Variants in MSN observed in about 807,000 individuals in gnomAD.
The protein encoded by MSN is epididymis luminal protein 70.
Under a neutral mutation model 48.0 loss-of-function variants are expected in MSN, and 2 were observed. That is an observed-to-expected ratio of 0.04 (90% confidence interval 0.02 to 0.13). MSN has a LOEUF of 0.13. Ranked by LOEUF, MSN falls within the 10% of genes least tolerant of loss-of-function variation. The pLI is 1.00. For synonymous variants in MSN, 146 were observed against 166.9 expected, an observed-to-expected ratio of 0.87 and a Z score of 0.97; for missense variants, 267 against 470.1, an observed-to-expected ratio of 0.57 and a Z score of 3.99.
intron 1 of MSN, chrX:65,593,350 T>C (rs2070163162): frequency 9.0e-6 from 1 of 111,124 alleles, no homozygotes; most frequent in African/African-American, 3.3e-5. Context: ...GGAGGTTGAA[T>C]TGAGTCCTTG....
In MSN at chrX:65,718,818, T is replaced by TA. The variant is rs55726908; in HGVS notation, c.96+1934dup. Among the ~76,000 whole-genome samples the TA allele has an allele frequency of 3.7e-3, 281 of 75,123 alleles. 2 individuals are homozygous for TA. Among genetic ancestry groups the TA allele is most frequent in the Non-Finnish European group, 5.0e-3 (211 of 41,792 alleles). 65.2% of individuals were successfully genotyped at this position (75,123 alleles called of 115,157 possible). A position where few individuals can be genotyped will look rare whatever the true frequency, so the allele number is the denominator to read the frequency against. The stretch of plus-strand genomic sequence containing the variant: ...AGGTGACAGAGCAAGACTCTGTCTC[T>TA]AAAAAAAAAAAAAAAAAGTAAAGAA... On this transcript the variant is annotated intron_variant, in intron 2 of 12. Transcript: ENST00000360270.
chrX:65,739,731 C>T lies in MSN; in HGVS notation c.1572C>T (p.Ala524=). ...TGTGTTCCCATACATCCTCACAGGC[C>T]CTCACTTCGGAGCTGGCCAATGCCA... ...KNERVQKHLK[A]LTSELANARD... is the part of the protein sequence containing the mutation. The change falls in exon 13 of 13, where the codon GCC becomes GCT. Residue 524 remains alanine (A), a splice_region_variant and synonymous_variant. Transcript: ENST00000360270. 1.7e-6 allele frequency: 2 copies of T among 1,207,013 alleles called. No homozygotes were observed. Among genetic ancestry groups the T allele is most frequent in the East Asian group, 3.0e-5 (1 of 33,772 alleles).
chrX:65,737,346 T>C lies in MSN; in HGVS notation c.1251+8T>C. On this transcript the variant is annotated splice_region_variant and intron_variant, in intron 10 of 12. Coordinates refer to ENST00000360270, the MANE Select transcript of MSN (RefSeq NM_002444.3). Reference sequence around the variant, plus strand: ...AAGACTCAGGAACAGCTGGTAAAGCTGTAGGGTGGGCTGGGATTATGGGAA... The same window carrying C: ...AAGACTCAGGAACAGCTGGTAAAGCCGTAGGGTGGGCTGGGATTATGGGAA... The C allele has an allele frequency of 2.5e-6, 3 of 1,202,680 alleles. No individual in the cohort carries two copies. In the African/African-American group the frequency reaches 5.2e-5, roughly 21 times the overall value.
At chrX:65,597,131 C>T (rs1210382809) in intron 1 of MSN, among the ~76,000 whole-genome samples, 1 of 111,442 alleles carries the variant, frequency 9.0e-6, no homozygotes, top group Admixed American at 9.6e-5. Flanking sequence ...TCACTGAAGC[C>T]TCAACCTCCT....
At chrX:65,615,554 T>C (rs1296854622) in intron 1 of MSN, among the ~76,000 whole-genome samples, 2 of 106,792 alleles carry the variant, frequency 1.9e-5, no homozygotes, top group East Asian at 5.9e-4. Context: ...ATGGGGTTGT[T>C]TGTTTTTTTC....
chrX:65,678,247 A>G (rs924455128), intron 1 of MSN, among the ~76,000 whole-genome samples: 11 of 111,744 alleles, frequency 9.8e-5, no homozygotes, highest in Non-Finnish European at 2.1e-4. Flanking sequence ...TCAAGTTTAT[A>G]CAATACCACC....
intron 1 of MSN, among the ~76,000 whole-genome samples, chrX:65,641,550 G>GTATATATATA (rs1168302693): frequency 1.9e-4 from 3 of 15,391 alleles, no homozygotes; most frequent in African/African-American, 2.4e-4. Flanking sequence ...AAAAAGTGAA[G>GTATATATATA]TATATATATA....
At chrX:65,630,607 G>GCAAA (rs1184568245) in intron 1 of MSN, among the ~76,000 whole-genome samples, 1 of 110,158 alleles carries the variant, frequency 9.1e-6, no homozygotes, top group African/African-American at 3.3e-5. Context: ...AACAAAACAA[G>GCAAA]CAAACAAACA....
chrX:65,698,831 C>CT (rs1282261264), intron 1 of MSN, among the ~76,000 whole-genome samples: 7 of 112,142 alleles, frequency 6.2e-5, no homozygotes, highest in African/African-American at 2.3e-4. Context: ...TAGCTGGACA[C>CT]TTTTTTCCTG....
At chrX:65,707,500 C>T (rs1223799852) in intron 1 of MSN, among the ~76,000 whole-genome samples, 1 of 111,927 alleles carries the variant, frequency 8.9e-6, no homozygotes, top group Non-Finnish European at 1.9e-5. Flanking sequence ...ATCCTCAGGG[C>T]CTGGCTTAGG....
At chrX:65,721,588 ATATAT>A (rs1025570380) in intron 2 of MSN, among the ~76,000 whole-genome samples, 8 of 110,973 alleles carry the variant, frequency 7.2e-5, no homozygotes, top group East Asian at 2.8e-4. Context: ...AATAACTAAC[ATATAT>A]TATAGTAGGA....
chrX:65,642,305 G>A (rs1375837531), intron 1 of MSN, among the ~76,000 whole-genome samples: 1 of 110,228 alleles, frequency 9.1e-6, no homozygotes, highest in African/African-American at 3.3e-5. Context: ...ATACTGTTGA[G>A]TGAAAAAAAG....
intron 3 of MSN, among the ~76,000 whole-genome samples, chrX:65,728,148 C>CT (rs1354046183): frequency 8.9e-6 from 1 of 111,964 alleles, no homozygotes; most frequent in Non-Finnish European, 1.9e-5. Context: ...AGAAGAGACT[C>CT]TTTTCTTTCT....
intron 1 of MSN, among the ~76,000 whole-genome samples, chrX:65,620,094 A>C (rs956358634): frequency 6.2e-5 from 7 of 112,193 alleles, no homozygotes; most frequent in Non-Finnish European, 1.3e-4. Context: ...TGCTGGGAGA[A>C]CCACTGCTCT....
rs760131954 is a variant in MSN at position 65,599,085 on chromosome X, G to A, written c.-22+10473G>A. The stretch of plus-strand genomic sequence containing the variant: ...GTGGATTACCTGAGGTCAGGAATTC[G>A]AGACCAGCCTAGCCAACATGGTGAA... On this transcript the variant is annotated intron_variant, in intron 1 of 3. Transcript: ENST00000609672. 4.6e-5 allele frequency among the ~76,000 whole-genome samples: 5 copies of A among 108,485 alleles called. No individual in the cohort carries two copies. The East Asian group carries it at 8.7e-4, about 19-fold the overall frequency. 94.2% of individuals were successfully genotyped at this position (108,485 alleles called of 115,157 possible).
intron 1 of MSN, among the ~76,000 whole-genome samples, chrX:65,648,344 G>A (rs951776015): frequency 4.6e-5 from 5 of 109,560 alleles, no homozygotes; most frequent in African/African-American, 1.7e-4. Context: ...CCTGAGGTCA[G>A]GAGTTCAAGA....
chrX:65,651,935 C>T (rs2070745633), intron 1 of MSN, among the ~76,000 whole-genome samples: 1 of 107,264 alleles, frequency 9.3e-6, no homozygotes. Flanking sequence ...TCCCTTCTAT[C>T]AGACATCCCT....
chrX:65,650,343 C>T (rs997512883), intron 1 of MSN, among the ~76,000 whole-genome samples: 1 of 112,214 alleles, frequency 8.9e-6, no homozygotes, highest in Non-Finnish European at 1.9e-5. Context: ...CCCCCTTGGC[C>T]TCCCAAAGTG....
intron 1 of MSN, among the ~76,000 whole-genome samples, chrX:65,606,289 C>T (rs146122354): frequency 7.4e-5 from 8 of 108,345 alleles, no homozygotes; most frequent in African/African-American, 2.1e-4. Context: ...CCACCATGCC[C>T]GGCTAATTTT....
Sources: gnomAD v4.1 joint callset for allele counts (sites outside exome capture counted in the v4.1 genomes callset) on GRCh38, gnomAD v4.1.1 for gene constraint, MANE v1.5 for transcripts, NCBI Gene and HGNC (gene_info 2026-07-23, HGNC 2026-07-21) for gene names.